TOM1L2: variants seen among roughly 807,000 people sequenced by gnomAD.
TOM1L2 encodes the protein target of myb1 like 2 membrane trafficking protein.
In TOM1L2, 31 loss-of-function variants were observed where a neutral mutation model predicts 67.9. The ratio of observed to expected loss-of-function variants is 0.46; its 90% CI spans 0.34 to 0.62. TOM1L2 has a LOEUF of 0.62. Ranked by LOEUF, TOM1L2 falls within the 20% of genes least tolerant of loss-of-function variation. The pLI is 0.01. For missense variants in TOM1L2, 606 were observed against 663.5 expected, an observed-to-expected ratio of 0.91 and a Z score of 0.95; for synonymous variants, 256 against 254.0, an observed-to-expected ratio of 1.01 and a Z score of -0.07.
At chr17:17,936,835 G>A (rs1040551957) in intron 1 of TOM1L2, among the ~76,000 whole-genome samples, 3 of 152,178 alleles carry the variant, frequency 2.0e-5, no homozygotes, top group Non-Finnish European at 4.4e-5. Flanking sequence ...CCTTTGTGTA[G>A]TGGGATAATG....
At chr17:17,958,726 C>G (rs1175953614) in intron 1 of TOM1L2, among the ~76,000 whole-genome samples, 1 of 152,152 alleles carries the variant, frequency 6.6e-6, no homozygotes, top group Non-Finnish European at 1.5e-5. Flanking sequence ...GCACACCTCA[C>G]CCAAAACCCC....
chr17:17,923,416 A>AAAC (rs546461322), intron 1 of TOM1L2, among the ~76,000 whole-genome samples: 107 of 152,076 alleles, frequency 7.0e-4, no homozygotes, highest in Admixed American at 7.9e-4. Flanking sequence ...AACAACAACA[A>AAAC]AACAACAACA....
intron 4 of TOM1L2, 79 bp from the exon 5 acceptor site, chr17:17,884,847 T>C: frequency 6.3e-7 from 1 of 1,579,776 alleles, no homozygotes; most frequent in Non-Finnish European, 8.6e-7. Context: ...GCCCACGTCC[T>C]CTCCCCGAGA....
intron 1 of TOM1L2, among the ~76,000 whole-genome samples, chr17:17,909,221 C>A (rs1479100062): frequency 6.6e-6 from 1 of 152,020 alleles, no homozygotes; most frequent in Non-Finnish European, 1.5e-5. Context: ...CATAGCATTA[C>A]CCTATGATCT....
intron 1 of TOM1L2, among the ~76,000 whole-genome samples, chr17:17,923,405 CAACAACAACAA>C (rs1406883265): frequency 6.6e-6 from 1 of 151,738 alleles, no homozygotes; most frequent in East Asian, 1.9e-4. Flanking sequence ...CCATCTCAAA[CAACAACAACAA>C]AACAACAACA....
intron 6 of TOM1L2, among the ~76,000 whole-genome samples, chr17:17,882,356 A>G (rs2037768144): frequency 6.6e-6 from 1 of 152,248 alleles, no homozygotes; most frequent in Non-Finnish European, 1.5e-5. Context: ...CCGAGAGAGC[A>G]GCGTCTGCAT....
At chr17:17,858,286 A>C (rs1013370998) in intron 12 of TOM1L2, 4 of 157,128 alleles carry the variant, frequency 2.5e-5, no homozygotes, top group African/African-American at 7.3e-5. Context: ...TGAATACTAA[A>C]TTTAGGTGTA....
rs1241342340 is a variant in TOM1L2 at position 17,906,131 on chromosome 17, CATTT to C, written c.137+1312_137+1315del. Among the ~76,000 whole-genome samples, 30 of 147,226 alleles carry C rather than the reference CATTT, an allele frequency of 2.0e-4. No homozygotes were observed. The East Asian group carries it at 3.2e-3, about 16-fold the overall frequency. ...TTTCTGTTGTTTTGTCTTCTCTTTT[CATTT>C]TTTTTTTTTTTGAGACAGGGTTTTT... On this transcript the variant is annotated intron_variant, in intron 2 of 14. Transcript: ENST00000379504.
intron 1 of TOM1L2, among the ~76,000 whole-genome samples, chr17:17,932,173 C>G (rs957825992): frequency 6.6e-6 from 1 of 152,218 alleles, no homozygotes; most frequent in East Asian, 1.9e-4. Context: ...TCTAGTAATT[C>G]TTAAGTGACT....
At chr17:17,905,532 TTTTC>T (rs1443661076) in intron 2 of TOM1L2, among the ~76,000 whole-genome samples, 1 of 152,052 alleles carries the variant, frequency 6.6e-6, no homozygotes, top group Non-Finnish European at 1.5e-5. Flanking sequence ...CCTCACTGGG[TTTTC>T]TTTCTTCTTT....
At chr17:17,915,791 G>C (rs2039602876) in intron 1 of TOM1L2, among the ~76,000 whole-genome samples, 1 of 151,616 alleles carries the variant, frequency 6.6e-6, no homozygotes, top group African/African-American at 2.4e-5. Context: ...CAAAGTACTA[G>C]GATCACAGGC....
intron 7 of TOM1L2, among the ~76,000 whole-genome samples, chr17:17,878,503 A>G (rs1044834366): frequency 2.0e-5 from 3 of 150,804 alleles, no homozygotes; most frequent in African/African-American, 7.5e-5. Flanking sequence ...CCTCACCCCC[A>G]TAAGAGCCGA....
chr17:17,886,476 T>C (rs2038006643), intron 4 of TOM1L2, among the ~76,000 whole-genome samples: 1 of 152,254 alleles, frequency 6.6e-6, no homozygotes, highest in Non-Finnish European at 1.5e-5. Flanking sequence ...CCCCACCAGC[T>C]GCGCTGGCTG....
At position 17,895,461 on chromosome 17, in the gene TOM1L2, G is replaced by A. The variant is rs115229075; in HGVS notation, c.217-1651C>T. Among the ~76,000 whole-genome samples, 1,154 of 152,318 alleles carry A rather than the reference G, an allele frequency of 7.6e-3. 14 individuals carry two copies. Among genetic ancestry groups the A allele is most frequent in the African/African-American group, 0.027 (1,104 of 41,560 alleles). On this transcript the variant is annotated intron_variant, in intron 3 of 14. Transcript: ENST00000379504. ...CATAACTGGAACACTGACTGAATGC[G>A]ACTATATGCCAGGCACTATGAGAGA...
At chr17:17,935,608 C>T (rs1289299377) in intron 1 of TOM1L2, among the ~76,000 whole-genome samples, 1 of 152,150 alleles carries the variant, frequency 6.6e-6, no homozygotes, top group Non-Finnish European at 1.5e-5. Flanking sequence ...AAGCCCCAAT[C>T]CTGGTCCCAG....
At chr17:17,956,861 C>T (rs796715140) in intron 1 of TOM1L2, among the ~76,000 whole-genome samples, 2 of 152,344 alleles carry the variant, frequency 1.3e-5, no homozygotes, top group African/African-American at 4.8e-5. Context: ...CCCTCCACAT[C>T]TCCCTGCAAG....
At chr17:17,925,887 T>C (rs2040063480) in intron 1 of TOM1L2, among the ~76,000 whole-genome samples, 1 of 148,288 alleles carries the variant, frequency 6.7e-6, no homozygotes, top group South Asian at 2.1e-4. Flanking sequence ...GTATAGGCTA[T>C]AGGTTAGTCG....
chr17:17,929,065 G>A (rs1000099564), intron 1 of TOM1L2, among the ~76,000 whole-genome samples: 11 of 152,328 alleles, frequency 7.2e-5, no homozygotes, highest in Admixed American at 7.2e-4. Context: ...CCCAAGCACT[G>A]CTGTGAGAAC....
intron 1 of TOM1L2, among the ~76,000 whole-genome samples, chr17:17,945,309 C>G: frequency 6.6e-6 from 1 of 152,018 alleles, no homozygotes; most frequent in Non-Finnish European, 1.5e-5. Flanking sequence ...CTCTCTCTCT[C>G]TCATTCCTTG....
Sources: allele counts gnomAD v4.1 joint callset (sites outside exome capture counted in the v4.1 genomes callset), GRCh38; gene constraint gnomAD v4.1.1; transcripts MANE v1.5; gene names NCBI Gene and HGNC (gene_info 2026-07-23, HGNC 2026-07-21).